GDNF: variants seen among roughly 807,000 people sequenced by gnomAD.
The protein encoded by GDNF is glial cell line-derived neurotrophic factor.
A neutral mutation model predicts 13.7 loss-of-function variants in GDNF; 5 were observed. The ratio of observed to expected loss-of-function variants is 0.36; its 90% CI spans 0.19 to 0.77. GDNF has a LOEUF of 0.77. GDNF is among the 30% of genes least tolerant of loss of function. The pLI is 0.51. For missense variants in GDNF, 246 were observed against 274.3 expected (o/e 0.90, Z 0.73); for synonymous variants, 122 against 112.5 (o/e 1.08, Z -0.53).
intron 2 of GDNF, 30 bp from the exon 3 acceptor site, chr5:37,816,165 A>G (rs1275379750): frequency 1.9e-6 from 3 of 1,611,026 alleles, no homozygotes; most frequent in Non-Finnish European, 1.7e-6. Flanking sequence ...AAAATGGCAC[A>G]TGAGACAAAA....
intron 2 of GDNF, among the ~76,000 whole-genome samples, chr5:37,831,987 C>T (rs960368158): frequency 6.6e-6 from 1 of 152,192 alleles, no homozygotes; most frequent in Non-Finnish European, 1.5e-5. Context: ...TAGGCAAGCC[C>T]GTTGGCCAAT....
Position 37,835,422 on chromosome 5 carries a change from C to T in GDNF, c.-26-600G>A, listed in dbSNP as rs1184339683. ...AGCCTGCCGCCCACACCTCATTCTTCCCACCTAAATAGGTATTCTGTTGCG... is the reference window on the plus strand; with the variant it reads ...AGCCTGCCGCCCACACCTCATTCTTTCCACCTAAATAGGTATTCTGTTGCG... On this transcript the variant is annotated intron_variant, in intron 1 of 2. Coordinates refer to ENST00000326524, the MANE Select transcript of GDNF (RefSeq NM_000514.4). 20 of 1,421,776 alleles carry T rather than the reference C, an allele frequency of 1.4e-5. No individual in the cohort carries two copies. In the East Asian group the frequency reaches 4.4e-4, roughly 31 times the overall value. The allele number at this position is 1,421,776 out of a possible 1,614,324, so 88.1% of individuals were successfully genotyped here. A position where few individuals can be genotyped will look rare whatever the true frequency, so the allele number is the denominator to read the frequency against.
chr5:37,835,284 C>A (rs1254077878), intron 1 of GDNF: 1 of 430,198 alleles, frequency 2.3e-6, no homozygotes, highest in South Asian at 3.4e-5. Context: ...GAGCCCTCGG[C>A]CCAAGCAAGG....
rs1750792297 is a variant in GDNF at position 37,838,650 on chromosome 5, G to A, written c.-27+857C>T. ...AGCTGGCGGGAACCCGCGAAAGTCC[G>A]TTTCCAGCCCGAAGAGGGTTCGTTT... On this transcript the variant is annotated intron_variant, in intron 1 of 2. Transcript: ENST00000326524. The surrounding 1 kb of genome is among the most constrained non-coding windows in gnomAD (Gnocchi z 4.1). Among the ~76,000 whole-genome samples, 1 of 152,220 alleles carries A rather than the reference G, an allele frequency of 6.6e-6. No homozygotes were observed. The highest frequency in any genetic ancestry group is 6.5e-5 in the Admixed American group (1 of 15,290).
chr5:37,815,823 G>A lies in GDNF; in HGVS notation c.464C>T (p.Thr155Met), dbSNP rs200174030. ...CSGSCDAAETTYDKILKNLSR... is the reference protein window; with the variant it reads ...CSGSCDAAETMYDKILKNLSR... ...TAAGTTTTTCAATATTTTGTCGTAC[G>A]TTGTCTCAGCTGCATCGCAAGAGCC... Residue 155 changes from threonine (T) to methionine (M), a missense_variant, in exon 3 of 3, where the codon ACG becomes ATG. Thr to Met is a moderately conservative substitution (Grantham distance 81). Transcript: ENST00000326524. The surrounding 1 kb of genome is among the most constrained non-coding windows in gnomAD (Gnocchi z 5.0). 103 of 1,613,954 alleles carry A rather than the reference G, an allele frequency of 6.4e-5. No individual in the cohort carries two copies. The highest frequency in any genetic ancestry group is 9.9e-5 in the South Asian group (9 of 91,082).
Position 37,814,852 on chromosome 5 carries a change from G to A in GDNF, c.*799C>T, listed in dbSNP as rs1749851184. The A allele has an allele frequency of 6.6e-6, 1 of 152,392 alleles. No individual in the cohort carries two copies. The highest frequency in any genetic ancestry group is 6.5e-5 in the Admixed American group (1 of 15,296). 9.4% of individuals were successfully genotyped at this position (152,392 alleles called of 1,614,324 possible). A position where few individuals can be genotyped will look rare whatever the true frequency, so the allele number is the denominator to read the frequency against. On this transcript the variant is annotated 3_prime_UTR_variant, in exon 3 of 3. Coordinates refer to ENST00000326524, the MANE Select transcript of GDNF (RefSeq NM_000514.4). ...GAGGGGCTCTCCCTGCCCGGGGGCA[G>A]TTCGGGGCCTTCCCCGATTCTCTCC...
chr5:37,815,515 T>TCCCCCC lies in GDNF; in HGVS notation c.*135_*136insGGGGGG. ...CTCCTCCTCCTCCTCCTCCTCCTCC[T>TCCCCCC]CCTCCTCTTCTTCTTCCTCCTCCTC... On this transcript the variant is annotated 3_prime_UTR_variant, in exon 3 of 3. Coordinates refer to ENST00000326524, the MANE Select transcript of GDNF (RefSeq NM_000514.4). The surrounding 1 kb of genome is among the most constrained non-coding windows in gnomAD (Gnocchi z 5.0). 1 of 778,696 alleles carries TCCCCCC rather than the reference T, an allele frequency of 1.3e-6. No homozygotes were observed. Among genetic ancestry groups the TCCCCCC allele is most frequent in the South Asian group, 1.5e-5 (1 of 64,648 alleles). 48.2% of individuals were successfully genotyped at this position (778,696 alleles called of 1,614,324 possible).
rs2111738357 is a variant in GDNF, at chr5:37,838,576, G to A, written c.-27+931C>T. Among the ~76,000 whole-genome samples, 1 of 152,314 alleles carries A rather than the reference G, an allele frequency of 6.6e-6. No homozygotes were observed. The highest frequency in any genetic ancestry group is 2.1e-4 in the South Asian group (1 of 4,826). On this transcript the variant is annotated intron_variant, in intron 1 of 2. Transcript: ENST00000326524. This position sits in a 1 kb window ranked among gnomAD's most constrained non-coding sequence, Gnocchi z 4.1. ...TAAGCCCCCCGGGGGCGCGCACATG[G>A]GTCCTGGCGGCGGATTCTACCAAAG...
At chr5:37,819,730 G>T (rs886641465) in intron 2 of GDNF, among the ~76,000 whole-genome samples, 1 of 152,142 alleles carries the variant, frequency 6.6e-6, no homozygotes, top group African/African-American at 2.4e-5. Flanking sequence ...TGGGATTACA[G>T]GAGTGAGCCA....
At chr5:37,835,353 G>C (rs1750668775) in intron 1 of GDNF, 1 of 922,450 alleles carries the variant, frequency 1.1e-6, no homozygotes, top group South Asian at 2.2e-5. Context: ...GTCCCAACCG[G>C]GCTTCTGGCT....
chr5:37,825,288 A>G (rs1488177587), intron 2 of GDNF, among the ~76,000 whole-genome samples: 1 of 152,212 alleles, frequency 6.6e-6, no homozygotes, highest in African/African-American at 2.4e-5. Flanking sequence ...GGTTCTGATC[A>G]CCTTGCTCTG....
intron 2 of GDNF, among the ~76,000 whole-genome samples, chr5:37,818,418 G>A (rs772894306): frequency 9.2e-5 from 14 of 152,254 alleles, no homozygotes; most frequent in East Asian, 1.9e-4. Context: ...CTTGCCTGCC[G>A]CCATGTAAGA....
chr5:37,821,832 C>T (rs1376672569), intron 2 of GDNF, among the ~76,000 whole-genome samples: 2 of 152,164 alleles, frequency 1.3e-5, no homozygotes, highest in African/African-American at 4.8e-5. Flanking sequence ...GGTGAGGGCT[C>T]CAAGTCCTCC....
At chr5:37,834,914 G>C (rs190856871) in intron 1 of GDNF, 92 bp from the exon 2 acceptor site, 2 of 1,153,518 alleles carry the variant, frequency 1.7e-6, no homozygotes, top group Non-Finnish European at 2.5e-6. Flanking sequence ...CTCCAACCTC[G>C]TCACCGCCCT....
intron 2 of GDNF, among the ~76,000 whole-genome samples, chr5:37,823,633 G>A (rs544505735): frequency 2.0e-5 from 3 of 151,526 alleles, no homozygotes; most frequent in African/African-American, 4.8e-5. Context: ...CCCCATCTCC[G>A]GAAGCTCCTC....
In GDNF at chr5:37,815,943, T is replaced by G; in HGVS notation, c.344A>C (p.Asn115Thr). The G allele has an allele frequency of 6.2e-7, 1 of 1,614,026 alleles. No homozygotes were observed. The highest frequency in any genetic ancestry group is 8.5e-7 in the Non-Finnish European group (1 of 1,179,960). Residue 115 changes from asparagine to threonine, a missense_variant, in exon 3 of 3, where the codon AAC (asparagine) becomes ACC (threonine). By Grantham distance (65) the Asn-to-Thr change is moderately conservative. Coordinates refer to ENST00000326524, the MANE Select transcript of GDNF (RefSeq NM_000514.4). The surrounding 1 kb of genome is among the most constrained non-coding windows in gnomAD (Gnocchi z 5.0). ...GKGRRGQRGKNRGCVLTAIHL... is the reference protein window; with the variant it reads ...GKGRRGQRGKTRGCVLTAIHL... ...TATTGCAGTTAAGACACAACCCCGGTTTTTGCCCCTCTGGCCTCTCCGACC... is the reference window on the plus strand; with the variant it reads ...TATTGCAGTTAAGACACAACCCCGGGTTTTGCCCCTCTGGCCTCTCCGACC...
chr5:37,833,668 T>C (rs1295649472), intron 2 of GDNF, among the ~76,000 whole-genome samples: 1 of 152,160 alleles, frequency 6.6e-6, no homozygotes, highest in Non-Finnish European at 1.5e-5. Context: ...GAGGGATAAT[T>C]CTGGGGGTGG....
intron 2 of GDNF, among the ~76,000 whole-genome samples, chr5:37,819,546 G>A (rs760253810): frequency 4.0e-5 from 6 of 148,958 alleles, no homozygotes; most frequent in Non-Finnish European, 5.9e-5. Context: ...TCCAATTCCC[G>A]GGTTCAAGTG....
chr5:37,836,689 G>A (rs1344687407), intron 1 of GDNF, among the ~76,000 whole-genome samples: 2 of 152,226 alleles, frequency 1.3e-5, no homozygotes, highest in Non-Finnish European at 2.9e-5. Flanking sequence ...CCAGCTCCCG[G>A]GTGCGTGCGA....
Sources: gnomAD v4.1 joint callset for allele counts (sites outside exome capture counted in the v4.1 genomes callset) on GRCh38, gnomAD v4.1.1 for gene constraint, Gnocchi (gnomAD v3.1) non-coding constraint, MANE v1.5 for transcripts, NCBI Gene and HGNC (gene_info 2026-07-23, HGNC 2026-07-21) for gene names.